Variants in SSB observed in about 807,000 individuals in gnomAD.
SSB encodes the protein lupus La protein.
A neutral mutation model predicts 52.9 loss-of-function variants in SSB; 17 were observed. That is an observed-to-expected ratio of 0.32 (90% CI 0.22 to 0.48). The LOEUF (loss-of-function observed/expected upper bound fraction) is 0.48, where lower values mean the gene tolerates loss of function less well. Ranked by LOEUF, SSB falls within the 20% of genes least tolerant of loss-of-function variation. SSB has a pLI of 0.99. For synonymous variants in SSB, 111 were observed against 152.1 expected (o/e 0.73, Z 1.99); for missense variants, 314 against 463.6 (o/e 0.68, Z 2.96).
Position 169,812,022 on chromosome 2 carries a change from C to A in SSB, c.*266C>A. The A allele has an allele frequency of 1.3e-6, 1 of 750,922 alleles. No individual in the cohort carries two copies. Among genetic ancestry groups the A allele is most frequent in the Non-Finnish European group, 2.1e-6 (1 of 466,468 alleles). The allele number at this position is 750,922 out of a possible 1,614,324, so 46.5% of individuals were successfully genotyped here. A position where few individuals can be genotyped will look rare whatever the true frequency, so the allele number is the denominator to read the frequency against. ...TTTGTAATATGAGAATGTATTAGTA[C>A]AAACTAACTAATAAAATATATACTA... On this transcript the variant is annotated 3_prime_UTR_variant, in exon 12 of 12. Transcript: ENST00000260956.
chr2:169,811,775 T>C lies in SSB; in HGVS notation c.*19T>C. On this transcript the variant is annotated 3_prime_UTR_variant, in exon 12 of 12. Coordinates refer to ENST00000260956, the MANE Select transcript of SSB (RefSeq NM_003142.5). Reference sequence around the variant, plus strand: ...CCAGTAGTTTAGTAAACCAATTTTTTATTCATTTTAAATAGGTTTTAAACG... The same window carrying C: ...CCAGTAGTTTAGTAAACCAATTTTTCATTCATTTTAAATAGGTTTTAAACG... 7 of 1,613,096 alleles carry C rather than the reference T, an allele frequency of 4.3e-6. No individual in the cohort carries two copies. The highest frequency in any genetic ancestry group is 5.9e-6 in the Non-Finnish European group (7 of 1,179,660).
intron 7 of SSB, 112 bp downstream of exon 7, chr2:169,808,665 A>G: frequency 4.5e-6 from 5 of 1,103,762 alleles, no homozygotes; most frequent in African/African-American, 1.6e-5. Flanking sequence ...TGCTAGTGAA[A>G]CACTGAGATC....
At chr2:169,809,757 C>T (rs1244499304) in intron 8 of SSB, among the ~76,000 whole-genome samples, 1 of 151,658 alleles carries the variant, frequency 6.6e-6, no homozygotes, top group Non-Finnish European at 1.5e-5. Flanking sequence ...GGACTACAGG[C>T]GCCTGCCACC....
chr2:169,804,029 G>A (rs1488272582), intron 2 of SSB, among the ~76,000 whole-genome samples: 2 of 152,032 alleles, frequency 1.3e-5, no homozygotes, highest in East Asian at 1.9e-4. Flanking sequence ...TTGGGCCACC[G>A]TGCGAGGCCA....
At chr2:169,808,729 CGATCAAAAAAACCTAAGG>C in intron 7 of SSB, 113 bp from the exon 8 acceptor site, 1 of 1,007,750 alleles carries the variant, frequency 9.9e-7, no homozygotes, top group Non-Finnish European at 1.5e-6. Context: ...TAGCATTGGA[CGATCAAAAAAACCTAAGG>C]ACTTCTGGCT....
chr2:169,801,647 C>T (rs771126304), intron 2 of SSB, among the ~76,000 whole-genome samples: 2 of 151,664 alleles, frequency 1.3e-5, no homozygotes, highest in Non-Finnish European at 2.9e-5. Flanking sequence ...GATTCTCCTG[C>T]CTCAGCCTCC....
chr2:169,800,943 AT>A lies in SSB; in HGVS notation c.-9-5del. 1 of 1,572,458 alleles carries A rather than the reference AT, an allele frequency of 6.4e-7. No homozygotes were observed. The highest frequency in any genetic ancestry group is 1.2e-5 in the South Asian group (1 of 83,444). On this transcript the variant is annotated splice_polypyrimidine_tract_variant and splice_region_variant and intron_variant, in intron 1 of 11. Transcript: ENST00000260956. ...AAATAACTTTATGCTAATTTGGGAA[AT>A]TTTACAGATAGCCGCAATGGCTGAA... is the stretch of plus-strand genomic sequence containing the variant.
chr2:169,807,973 T>C (rs1689863098), intron 6 of SSB, among the ~76,000 whole-genome samples: 1 of 152,158 alleles, frequency 6.6e-6, no homozygotes, highest in Non-Finnish European at 1.5e-5. Flanking sequence ...ATAGTATCAG[T>C]GTTAAATCCT....
At chr2:169,810,162 T>G (rs1689917728) in intron 8 of SSB, 121 bp from the exon 9 acceptor site, 1 of 537,096 alleles carries the variant, frequency 1.9e-6, no homozygotes, top group Admixed American at 4.3e-5. Context: ...CGGAAGAAAC[T>G]ACTTTAAAAT....
At chr2:169,810,728 TC>T in intron 9 of SSB, 129 bp from the exon 10 acceptor site, 1 of 873,392 alleles carries the variant, frequency 1.1e-6, no homozygotes, top group Admixed American at 3.1e-5. Flanking sequence ...TTTCTACTGT[TC>T]AGTAAAATTC....
intron 2 of SSB, among the ~76,000 whole-genome samples, chr2:169,804,552 C>CA (rs1689784265): frequency 6.6e-6 from 1 of 151,618 alleles, no homozygotes; most frequent in African/African-American, 2.4e-5. Context: ...CCTGGCCCCC[C>CA]ACCCCCTTTT....
At chr2:169,811,464 G>A (rs763780335) in intron 11 of SSB, 141 bp downstream of exon 11, 228 of 1,292,266 alleles carry the variant, frequency 1.8e-4, no homozygotes, top group Non-Finnish European at 2.2e-4. Flanking sequence ...ATTTACCTCG[G>A]TTATGCTGTT....
At chr2:169,804,996 G>T (rs1398918532) in intron 2 of SSB, among the ~76,000 whole-genome samples, 1 of 152,108 alleles carries the variant, frequency 6.6e-6, no homozygotes, top group African/African-American at 2.4e-5. Context: ...TGGGCGTGGT[G>T]GTACATGCCT....
chr2:169,805,803 G>A lies in SSB; in HGVS notation c.309G>A (p.Glu103=), dbSNP rs778126388. The A allele has an allele frequency of 8.7e-6, 14 of 1,613,754 alleles. No individual in the cohort carries two copies. In the South Asian group the frequency reaches 1.3e-4, roughly 15 times the overall value. ...AACCCCTACCTGAAGTGACTGATGA[G>A]TATAAAAATGATGTAAAAAACAGAT... ...PSKPLPEVTD[E]YKNDVKNRSV... The change falls in exon 4 of 12, where the codon GAG becomes GAA. Residue 103 remains glutamate, a synonymous_variant. Coordinates refer to ENST00000260956, the MANE Select transcript of SSB (RefSeq NM_003142.5).
chr2:169,803,674 G>A (rs1689757543), intron 2 of SSB, among the ~76,000 whole-genome samples: 1 of 152,140 alleles, frequency 6.6e-6, no homozygotes, highest in African/African-American at 2.4e-5. Context: ...GCAGTGAGCT[G>A]TGGTTGCACC....
In SSB at chr2:169,807,085, C is replaced by T. The variant is rs748904183; in HGVS notation, c.554+14C>T. ...AATACTTTTCAAGTAAGTCTTTTTG[C>T]TGATGTTTCTCCTGGCCTTTTACTT... On this transcript the variant is annotated intron_variant, in intron 6 of 11. Transcript: ENST00000260956. 9.3e-6 allele frequency: 15 copies of T among 1,607,622 alleles called. No individual in the cohort carries two copies. The highest frequency in any genetic ancestry group is 1.3e-5 in the Non-Finnish European group (15 of 1,174,916).
At position 169,806,727 on chromosome 2, in the gene SSB, A is replaced by G. The variant is rs192064499; in HGVS notation, c.346-58A>G. The G allele has an allele frequency of 3.9e-5, 52 of 1,344,786 alleles. No homozygotes were observed. The East Asian group carries it at 4.8e-4, about 12-fold the overall frequency. 83.3% of individuals were successfully genotyped at this position (1,344,786 alleles called of 1,614,324 possible). A position where few individuals can be genotyped will look rare whatever the true frequency, so the allele number is the denominator to read the frequency against. On this transcript the variant is annotated intron_variant, in intron 4 of 11. Transcript: ENST00000260956. ...GAAAAAATGAATCAAATTCTCTCCA[A>G]TTGTTTATCTGAGAAGTCATTATTT... is the stretch of plus-strand genomic sequence containing the variant.
intron 1 of SSB, among the ~76,000 whole-genome samples, chr2:169,799,859 G>T (rs1457993410): frequency 2.0e-5 from 3 of 152,180 alleles, no homozygotes; most frequent in Admixed American, 6.5e-5. Flanking sequence ...TCAACTAATG[G>T]CAATATTCTC....
At position 169,811,333 on chromosome 2, in the gene SSB, T is replaced by C. The variant is rs758870419; in HGVS notation, c.1138+10T>C. The C allele has an allele frequency of 3.2e-6, 5 of 1,558,730 alleles. No individual in the cohort carries two copies. The highest frequency in any genetic ancestry group is 2.6e-6 in the Non-Finnish European group (3 of 1,159,408). ...GAAAATGGTGCAACTGGTAAGTTTT[T>C]TTTAAGTCCTTTGGTAGTTTCATGA... On this transcript the variant is annotated intron_variant, in intron 11 of 11. Transcript: ENST00000260956.
Sources: allele counts gnomAD v4.1 joint callset (sites outside exome capture counted in the v4.1 genomes callset), GRCh38; gene constraint gnomAD v4.1.1; transcripts MANE v1.5; gene names NCBI Gene and HGNC (gene_info 2026-07-23, HGNC 2026-07-21).